GLS2: variants seen among roughly 807,000 people sequenced by gnomAD.
GLS2 encodes glutaminase 2, also known as glutaminase liver isoform, mitochondrial.
A neutral mutation model predicts 79.0 loss-of-function variants in GLS2; 52 were observed. That is an observed-to-expected ratio of 0.66 (90% CI 0.53 to 0.83). GLS2 has a LOEUF of 0.83. GLS2 is among the 40% of genes least tolerant of loss of function. The probability of loss-of-function intolerance (pLI) is 0.00; values close to 1 mark genes in which losing one functional copy is unlikely to be tolerated. For synonymous variants in GLS2, 238 were observed against 280.8 expected (o/e 0.85, Z 1.52); for missense variants, 561 against 764.8 (o/e 0.73, Z 3.14).
intron 1 of GLS2, among the ~76,000 whole-genome samples, chr12:56,486,023 A>AAG (rs1440770294): frequency 3.3e-5 from 5 of 151,440 alleles, no homozygotes; most frequent in Non-Finnish European, 1.5e-5. Context: ...CCAAAAAAAA[A>AAG]AAAAAAAAAA....
rs752875915 is a variant in GLS2 at position 56,471,663 on chromosome 12, G to C, written c.1653-20C>G. 1 of 1,613,682 alleles carries C rather than the reference G, an allele frequency of 6.2e-7. No individual in the cohort carries two copies. The highest frequency in any genetic ancestry group is 2.2e-5 in the East Asian group (1 of 44,870). On this transcript the variant is annotated intron_variant, in intron 17 of 17. Transcript: ENST00000311966. Reference sequence around the variant, plus strand: ...CCCCACCTGAGAGGAATAATGATATGATCAGGCAAAGGAGACGTGGAGAGT... The same window carrying C: ...CCCCACCTGAGAGGAATAATGATATCATCAGGCAAAGGAGACGTGGAGAGT...
chr12:56,477,571 T>A, intron 7 of GLS2, 89 bp downstream of exon 7: 1 of 1,337,768 alleles, frequency 7.5e-7, no homozygotes, highest in Non-Finnish European at 1.0e-6. Context: ...GCCCCACCAG[T>A]CTCCCTGGAG....
chr12:56,478,079 G>A lies in GLS2; in HGVS notation c.632C>T (p.Thr211Ile), dbSNP rs775153241. ...GGACTGCAGGCAGAAGGGGATCTTT[G>A]TGTGGCCCACAGAGTGCCTGGAGGC... Reference protein sequence around the residue: ...VDGQRHSVGHTKIPFCLQSCV... With the variant: ...VDGQRHSVGHIKIPFCLQSCV... Residue 211 changes from threonine (T) to isoleucine (I), a missense_variant, in exon 6 of 18, where the codon ACA becomes ATA. Physicochemically the swap from Thr to Ile is moderately conservative, Grantham distance 89. Coordinates refer to ENST00000311966, the MANE Select transcript of GLS2 (RefSeq NM_013267.4). 6.2e-7 allele frequency: 1 copy of A among 1,614,120 alleles called. No homozygotes were observed. The highest frequency in any genetic ancestry group is 8.5e-7 in the Non-Finnish European group (1 of 1,179,968).
chr12:56,479,929 G>A (rs1200595129), intron 2 of GLS2, 28 bp from the exon 3 acceptor site: 2 of 1,609,038 alleles, frequency 1.2e-6, no homozygotes, highest in African/African-American at 2.7e-5. Flanking sequence ...GGCCAGAAAG[G>A]TCAGCTACAA....
At chr12:56,475,139 A>T in intron 9 of GLS2, 29 bp from the exon 10 acceptor site, 2 of 1,613,456 alleles carry the variant, frequency 1.2e-6, no homozygotes, top group Non-Finnish European at 1.7e-6. Flanking sequence ...TTAGTACTTG[A>T]AGTTGGAGGA....
chr12:56,473,826 G>A (rs1456688551), intron 12 of GLS2: 9 of 486,444 alleles, frequency 1.9e-5, no homozygotes, highest in Non-Finnish European at 2.8e-5. Context: ...TGTGCTAGAT[G>A]CTGTGCTAGA....
chr12:56,484,617 G>C (rs944964665), intron 1 of GLS2, among the ~76,000 whole-genome samples: 4 of 152,064 alleles, frequency 2.6e-5, no homozygotes, highest in South Asian at 2.1e-4. Flanking sequence ...AAGAAGGAAA[G>C]TACATAGGAA....
chr12:56,483,214 G>T (rs1456073720), intron 1 of GLS2, among the ~76,000 whole-genome samples: 2 of 151,388 alleles, frequency 1.3e-5, no homozygotes, highest in Non-Finnish European at 2.9e-5. Context: ...CCAAGTAGCT[G>T]GGATTACAGG....
chr12:56,478,231 G>T lies in GLS2; in HGVS notation c.566C>A (p.Ser189Ter). The change falls in exon 5 of 18, where the codon TCA becomes TAA. Residue 189 changes from serine to a stop codon, truncating the protein, a stop_gained. Coordinates refer to ENST00000311966, the MANE Select transcript of GLS2 (RefSeq NM_013267.4). LOFTEE classifies it high-confidence loss of function. ...VAAYIPQLAK[S>*]NPDLWGVSLC... is the part of the protein sequence containing the mutation. ...GGAGACACCCCACAGGTCTGGGTTT[G>T]ACTTGGCCAGCTGAGGGATGTAGGC... 6.2e-7 allele frequency: 1 copy of T among 1,614,252 alleles called. No homozygotes were observed. The highest frequency in any genetic ancestry group is 1.1e-5 in the South Asian group (1 of 91,070).
chr12:56,476,165 C>CTT (rs34325581), intron 7 of GLS2, 188 bp from the exon 8 acceptor site: 265 of 530,406 alleles, frequency 5.0e-4, no homozygotes, highest in Admixed American at 7.2e-4. Context: ...CTTTCTCTTT[C>CTT]TTTTTTTTGA....
intron 3 of GLS2, 30 bp from the exon 4 acceptor site, chr12:56,479,211 G>T (rs1486977019): frequency 1.2e-6 from 2 of 1,609,172 alleles, no homozygotes; most frequent in Middle Eastern, 1.7e-4. Flanking sequence ...GGATTAGGGG[G>T]CTAGAGAAAT....
At chr12:56,481,423 G>T (rs1870288256) in intron 1 of GLS2, among the ~76,000 whole-genome samples, 1 of 149,792 alleles carries the variant, frequency 6.7e-6, no homozygotes, top group African/African-American at 2.4e-5. Context: ...GGTCAGGCTG[G>T]TCTCGAACGC....
At chr12:56,479,276 G>A in intron 3 of GLS2, 95 bp from the exon 4 acceptor site, 1 of 1,496,532 alleles carries the variant, frequency 6.7e-7, no homozygotes, top group South Asian at 1.3e-5. Flanking sequence ...AGGTTGAGTG[G>A]TCTTCAGGTT....
chr12:56,476,051 T>C, intron 7 of GLS2, 74 bp from the exon 8 acceptor site: 1 of 1,455,382 alleles, frequency 6.9e-7, no homozygotes, highest in Non-Finnish European at 9.6e-7. Context: ...AAGGATCTAG[T>C]GGAGTTCTAG....
chr12:56,475,009 C>T (rs755989577), intron 10 of GLS2, 35 bp downstream of exon 10: 1 of 1,614,004 alleles, frequency 6.2e-7, no homozygotes, highest in Non-Finnish European at 8.5e-7. Flanking sequence ...CAGCAGAATT[C>T]CCAGGGACTT....
chr12:56,477,916 G>A lies in GLS2; in HGVS notation c.778+17C>T. The A allele has an allele frequency of 6.2e-7, 1 of 1,609,216 alleles. No homozygotes were observed. Among genetic ancestry groups the A allele is most frequent in the South Asian group, 1.1e-5 (1 of 90,124 alleles). ...GGGGACAGCTGTAAGTACGGTCTGA[G>A]CCTTGGTAGTGCTCACCTTCCTCAT... On this transcript the variant is annotated intron_variant, in intron 6 of 17. Transcript: ENST00000311966.
chr12:56,482,171 TAGTC>T (rs1870352296), intron 1 of GLS2, among the ~76,000 whole-genome samples: 1 of 151,218 alleles, frequency 6.6e-6, no homozygotes, highest in African/African-American at 2.4e-5. Flanking sequence ...GTGGAGGTTA[TAGTC>T]AGTCGAGATT....
At chr12:56,486,816 TGCCACTGCACTCCA>T (rs1310365350) in intron 1 of GLS2, among the ~76,000 whole-genome samples, 3 of 152,140 alleles carry the variant, frequency 2.0e-5, no homozygotes, top group African/African-American at 7.2e-5. Context: ...GTCGAGATGG[TGCCACTGCACTCCA>T]GCCTGTGTGA....
chr12:56,475,923 G>T, intron 8 of GLS2, 22 bp downstream of exon 8: 1 of 1,613,574 alleles, frequency 6.2e-7, no homozygotes, highest in Non-Finnish European at 8.5e-7. Context: ...GCAGCCAGGG[G>T]CTAAGTAGCA....
Sources: gnomAD v4.1 joint callset for allele counts (sites outside exome capture counted in the v4.1 genomes callset) on GRCh38, gnomAD v4.1.1 for gene constraint, MANE v1.5 for transcripts, NCBI Gene and HGNC (gene_info 2026-07-23, HGNC 2026-07-21) for gene names.